The following CREB5 variants were observed in gnomAD, a reference collection of about 807,000 sequenced individuals.
CREB5 encodes the protein cAMP responsive element binding protein 5.
A neutral mutation model predicts 57.1 loss-of-function variants in CREB5; 19 were observed. That is an observed-to-expected ratio of 0.33 (90% CI 0.23 to 0.49). CREB5 has a LOEUF of 0.49. CREB5 is among the 20% of genes least tolerant of loss of function. The pLI, the probability that CREB5 is intolerant of heterozygous loss-of-function variation, is 0.99. For missense variants in CREB5, 579 were observed against 671.6 expected (o/e 0.86, Z 1.52); for synonymous variants, 238 against 238.3 (o/e 1.00, Z 0.01).
intron 4 of CREB5, among the ~76,000 whole-genome samples, chr7:28,517,544 T>C (rs983720544): frequency 6.6e-6 from 1 of 152,176 alleles, no homozygotes; most frequent in African/African-American, 2.4e-5. Context: ...CTTAGGAAAG[T>C]TGATCAAACG....
At chr7:28,690,088 G>A (rs1339717752) in intron 5 of CREB5, among the ~76,000 whole-genome samples, 1 of 152,066 alleles carries the variant, frequency 6.6e-6, no homozygotes, top group Non-Finnish European at 1.5e-5. Flanking sequence ...TAAGGGAAGG[G>A]GTCTAATGCC....
At chr7:28,811,092 A>G (rs1291302221) in intron 9 of CREB5, among the ~76,000 whole-genome samples, 1 of 152,150 alleles carries the variant, frequency 6.6e-6, no homozygotes, top group Admixed American at 6.5e-5. Context: ...TCCGCCCACT[A>G]TCTATCTATC....
chr7:28,759,360 A>G (rs1267893572), intron 7 of CREB5, among the ~76,000 whole-genome samples: 2 of 152,168 alleles, frequency 1.3e-5, no homozygotes, highest in African/African-American at 4.8e-5. Flanking sequence ...TCTGCCAGCT[A>G]TGTGAACTCT....
chr7:28,427,149 C>T (rs1788539807), intron 1 of CREB5, among the ~76,000 whole-genome samples: 1 of 152,096 alleles, frequency 6.6e-6, no homozygotes, highest in African/African-American at 2.4e-5. Flanking sequence ...GTCTTATAAC[C>T]CTAAGGAAAA....
chr7:28,713,032 C>G (rs1198073340), intron 5 of CREB5, among the ~76,000 whole-genome samples: 9 of 151,964 alleles, frequency 5.9e-5, no homozygotes, highest in African/African-American at 2.2e-4. Context: ...CCAAAAGAAG[C>G]ACATATTTTA....
At chr7:28,760,308 T>A (rs1333709455) in intron 7 of CREB5, among the ~76,000 whole-genome samples, 1 of 152,196 alleles carries the variant, frequency 6.6e-6, no homozygotes, top group Non-Finnish European at 1.5e-5. Context: ...GGTATCTACA[T>A]GTGGCAGCAA....
chr7:28,770,632 T>A (rs55988723), intron 7 of CREB5, among the ~76,000 whole-genome samples: 37,101 of 152,246 alleles, frequency 0.24, 5,517 homozygotes, highest in Non-Finnish European at 0.34. Flanking sequence ...ACATCAATGA[T>A]CATGCTATGA....
At chr7:28,357,226 G>A (rs1278506961) in intron 1 of CREB5, among the ~76,000 whole-genome samples, 6 of 152,174 alleles carry the variant, frequency 3.9e-5, no homozygotes, top group Admixed American at 2.6e-4. Context: ...AAATTCTACA[G>A]CACATCTTTC....
intron 5 of CREB5, among the ~76,000 whole-genome samples, chr7:28,706,429 G>A (rs1391607783): frequency 2.6e-5 from 4 of 152,240 alleles, no homozygotes; most frequent in South Asian, 4.1e-4. Flanking sequence ...TATGTAGCAG[G>A]TGTATTTATG....
At chr7:28,361,467 C>A (rs907540253) in intron 1 of CREB5, among the ~76,000 whole-genome samples, 13 of 152,190 alleles carry the variant, frequency 8.5e-5, no homozygotes, top group East Asian at 5.8e-4. Flanking sequence ...AGGCCACATC[C>A]TTTTCCCTGC....
chr7:28,375,091 A>G (rs1390220819), intron 1 of CREB5, among the ~76,000 whole-genome samples: 1 of 152,196 alleles, frequency 6.6e-6, no homozygotes, highest in Non-Finnish European at 1.5e-5. Flanking sequence ...TGAACTCAAA[A>G]GGGGTGAATT....
intron 8 of CREB5, among the ~76,000 whole-genome samples, chr7:28,806,011 A>G (rs1008582480): frequency 6.8e-6 from 1 of 147,702 alleles, no homozygotes; most frequent in Non-Finnish European, 1.5e-5. Flanking sequence ...ATTTAGAAAG[A>G]AAAAAAAAAA....
chr7:28,754,470 C>T (rs947926766), intron 7 of CREB5, among the ~76,000 whole-genome samples: 1 of 152,194 alleles, frequency 6.6e-6, no homozygotes, highest in Non-Finnish European at 1.5e-5. Flanking sequence ...TGGTACCTTC[C>T]GTTTCCTACT....
At chr7:28,444,858 C>G (rs962899063) in intron 1 of CREB5, among the ~76,000 whole-genome samples, 1 of 152,162 alleles carries the variant, frequency 6.6e-6, no homozygotes, top group Non-Finnish European at 1.5e-5. Flanking sequence ...GATGTGATGA[C>G]TCTTGTGGGG....
intron 10 of CREB5, among the ~76,000 whole-genome samples, chr7:28,818,390 T>C (rs990436323): frequency 1.3e-5 from 2 of 152,146 alleles, no homozygotes; most frequent in African/African-American, 4.8e-5. Context: ...CTCCTGATAA[T>C]TTCTGGCCAC....
chr7:28,578,540 G>A (rs568565435), intron 5 of CREB5, among the ~76,000 whole-genome samples: 5 of 152,184 alleles, frequency 3.3e-5, no homozygotes, highest in East Asian at 1.9e-4. Context: ...GATTGAACAC[G>A]TCCAAGTAAT....
At chr7:28,319,029 A>G (rs576823691) in intron 1 of CREB5, among the ~76,000 whole-genome samples, 9 of 152,314 alleles carry the variant, frequency 5.9e-5, no homozygotes, top group African/African-American at 2.2e-4. Context: ...AAATGTACTA[A>G]GTCAGTGGGT....
intron 7 of CREB5, among the ~76,000 whole-genome samples, chr7:28,731,079 G>A (rs1803598400): frequency 6.6e-6 from 1 of 152,140 alleles, no homozygotes; most frequent in South Asian, 2.1e-4. Flanking sequence ...TGAGACAAGT[G>A]CTGAATTTGA....
intron 1 of CREB5, among the ~76,000 whole-genome samples, chr7:28,421,568 T>C (rs979743094): frequency 2.6e-5 from 4 of 152,050 alleles, no homozygotes; most frequent in African/African-American, 9.7e-5. Flanking sequence ...TGTGATGTGA[T>C]TTTGACACAT....
Sources: gnomAD v4.1 joint callset for allele counts (sites outside exome capture counted in the v4.1 genomes callset) on GRCh38, gnomAD v4.1.1 for gene constraint, MANE v1.5 for transcripts, NCBI Gene and HGNC (gene_info 2026-07-23, HGNC 2026-07-21) for gene names.